Variants in HOMER1 observed in about 807,000 individuals in gnomAD.
The protein encoded by HOMER1 is homer protein homolog 1.
HOMER1 carries 3 observed loss-of-function variants against 48.9 expected under a neutral mutation model. That is an observed-to-expected ratio of 0.06 (90% CI 0.03 to 0.16). The LOEUF (loss-of-function observed/expected upper bound fraction) is 0.16, where lower values mean the gene tolerates loss of function less well. Among genes scored for constraint, HOMER1 ranks in the 10% least tolerant of loss-of-function variants. The pLI, the probability that HOMER1 is intolerant of heterozygous loss-of-function variation, is 1.00. For missense variants in HOMER1, 247 were observed against 411.4 expected, an observed-to-expected ratio of 0.60 and a Z score of 3.46; for synonymous variants, 134 against 146.4, an observed-to-expected ratio of 0.92 and a Z score of 0.61.
At chr5:79,500,805 A>G (rs1752554467) in intron 1 of HOMER1, among the ~76,000 whole-genome samples, 1 of 151,512 alleles carries the variant, frequency 6.6e-6, no homozygotes, top group Non-Finnish European at 1.5e-5. Flanking sequence ...TTGCACTTTT[A>G]GTAGAGATGG....
At chr5:79,508,234 G>T (rs183191756) in intron 1 of HOMER1, among the ~76,000 whole-genome samples, 1 of 152,138 alleles carries the variant, frequency 6.6e-6, no homozygotes, top group Admixed American at 6.5e-5. Context: ...CTAACACAGC[G>T]TCATTAAATA....
At chr5:79,452,706 C>T (rs1751061587) in intron 2 of HOMER1, among the ~76,000 whole-genome samples, 1 of 151,824 alleles carries the variant, frequency 6.6e-6, no homozygotes, top group South Asian at 2.1e-4. Context: ...ACCAGTAAAA[C>T]AGAGTGGTCC....
chr5:79,491,443 A>G (rs1561385306), intron 1 of HOMER1, among the ~76,000 whole-genome samples: 1 of 150,110 alleles, frequency 6.7e-6, no homozygotes. Flanking sequence ...TGTCTCAAAA[A>G]AAAAAAAAAA....
intron 1 of HOMER1, among the ~76,000 whole-genome samples, chr5:79,511,432 T>C (rs1038494485): frequency 2.6e-5 from 4 of 152,154 alleles, no homozygotes; most frequent in African/African-American, 7.2e-5. Context: ...AAGCAATTCG[T>C]TTTTTACAGT....
At chr5:79,399,165 A>C (rs1749471330) in intron 6 of HOMER1, among the ~76,000 whole-genome samples, 1 of 152,226 alleles carries the variant, frequency 6.6e-6, no homozygotes, top group Non-Finnish European at 1.5e-5. Flanking sequence ...AAAATGTAAA[A>C]GTCAACTGTT....
At chr5:79,500,993 C>CACACACACACACACACACACACACA (rs1408324948) in intron 1 of HOMER1, among the ~76,000 whole-genome samples, 1 of 145,778 alleles carries the variant, frequency 6.9e-6, no homozygotes, top group African/African-American at 2.6e-5. Context: ...CACACACACA[C>CACACACACACACACACACACACACA]AAGGTCTGGC....
At chr5:79,402,118 G>T in intron 5 of HOMER1, 63 bp from the exon 6 acceptor site, 1 of 1,345,816 alleles carries the variant, frequency 7.4e-7, no homozygotes. Context: ...TGAAGGGACA[G>T]CAAGACTCAG....
chr5:79,507,733 C>T (rs1186123421), intron 1 of HOMER1, among the ~76,000 whole-genome samples: 1 of 151,368 alleles, frequency 6.6e-6, no homozygotes, highest in Admixed American at 6.6e-5. Context: ...AATCACATGG[C>T]AGTAGAGAGG....
chr5:79,466,811 T>A (rs79784781), intron 1 of HOMER1, among the ~76,000 whole-genome samples: 1 of 151,962 alleles, frequency 6.6e-6, no homozygotes, highest in African/African-American at 2.4e-5. Flanking sequence ...ATTTTTTTTT[T>A]AGACAGAGTC....
chr5:79,453,421 T>C (rs1751082922), intron 2 of HOMER1, among the ~76,000 whole-genome samples: 1 of 152,214 alleles, frequency 6.6e-6, no homozygotes, highest in Non-Finnish European at 1.5e-5. Context: ...TCCGCTTTTA[T>C]GAGTTTTATT....
intron 4 of HOMER1, among the ~76,000 whole-genome samples, chr5:79,439,596 G>A (rs116083944): frequency 8.3e-4 from 126 of 152,128 alleles, no homozygotes; most frequent in African/African-American, 2.7e-3. Flanking sequence ...GATGAGGAGA[G>A]GGGGAGGGCA....
Position 79,504,410 on chromosome 5 carries a change from CAA to C in HOMER1, c.5+8358_5+8359del, listed in dbSNP as rs11285306. 1.0e-3 allele frequency among the ~76,000 whole-genome samples: 128 copies of C among 123,472 alleles called. 1 individual carries two copies. The highest frequency in any genetic ancestry group is 2.2e-3 in the Admixed American group (28 of 12,818). 81.0% of individuals were successfully genotyped at this position (123,472 alleles called of 152,430 possible). On this transcript the variant is annotated intron_variant, in intron 1 of 8. Coordinates refer to ENST00000334082, the MANE Select transcript of HOMER1 (RefSeq NM_004272.5). Reference sequence around the variant, plus strand: ...CAGCACTGTTTTACAAAAGAATAAGCAAAAAAAAAAAAAAGGGCACAGAAAGG... The same window carrying C: ...CAGCACTGTTTTACAAAAGAATAAGCAAAAAAAAAAAAGGGCACAGAAAGG...
At position 79,406,205 on chromosome 5, in the gene HOMER1, A is replaced by G. The variant is rs538161214; in HGVS notation, c.528-4150T>C. On this transcript the variant is annotated intron_variant, in intron 5 of 8. Coordinates refer to ENST00000334082, the MANE Select transcript of HOMER1 (RefSeq NM_004272.5). ...TTACTAGATTCTTCAAATTCATCCT[A>G]GCATTATCCAGTATTTTCATATTTG... Among the ~76,000 whole-genome samples the G allele has an allele frequency of 4.0e-4, 61 of 152,330 alleles. 1 individual carries two copies. In the South Asian group the frequency reaches 0.012, roughly 31 times the overall value.
At chr5:79,500,975 C>G (rs1285750686) in intron 1 of HOMER1, among the ~76,000 whole-genome samples, 2 of 143,086 alleles carry the variant, frequency 1.4e-5, no homozygotes, top group Admixed American at 7.0e-5. Context: ...CACACACACA[C>G]ACACACACAC....
chr5:79,405,074 T>C (rs975516636), intron 5 of HOMER1, among the ~76,000 whole-genome samples: 17 of 152,026 alleles, frequency 1.1e-4, no homozygotes, highest in African/African-American at 4.1e-4. Context: ...TATATTGAAG[T>C]TCTAACTCCC....
intron 1 of HOMER1, among the ~76,000 whole-genome samples, chr5:79,461,299 T>C (rs1214384016): frequency 2.6e-5 from 4 of 152,230 alleles, no homozygotes; most frequent in Non-Finnish European, 1.5e-5. Context: ...TTGAAATTGA[T>C]TGTTCAAGTG....
intron 1 of HOMER1, chr5:79,510,452 C>A: frequency 1.5e-6 from 1 of 681,988 alleles, no homozygotes; most frequent in Non-Finnish European, 2.7e-6. Context: ...GTCCAAGAAC[C>A]ACACCACACA....
chr5:79,379,542 TTC>T lies in HOMER1; in HGVS notation c.877-3347_877-3346del, dbSNP rs1402545805. On this transcript the variant is annotated intron_variant, in intron 8 of 8. Transcript: ENST00000334082. ...AGACAGAGAATTTTATATACATATA[TTC>T]TGACAACAATAACTTCAGCACCTTT... 2.1e-5 allele frequency among the ~76,000 whole-genome samples: 3 copies of T among 142,860 alleles called. No individual in the cohort carries two copies. In the East Asian group the frequency reaches 5.9e-4, roughly 28 times the overall value. 93.7% of individuals were successfully genotyped at this position (142,860 alleles called of 152,430 possible).
At chr5:79,396,511 T>A (rs866726023) in intron 8 of HOMER1, among the ~76,000 whole-genome samples, 3 of 151,950 alleles carry the variant, frequency 2.0e-5, no homozygotes, top group Middle Eastern at 3.2e-3. Context: ...CATCCCAAAG[T>A]GCTGAAATTA....
Sources: allele counts gnomAD v4.1 joint callset (sites outside exome capture counted in the v4.1 genomes callset), GRCh38; gene constraint gnomAD v4.1.1; transcripts MANE v1.5; gene names NCBI Gene and HGNC (gene_info 2026-07-23, HGNC 2026-07-21).